FDX1: variants seen among roughly 807,000 people sequenced by gnomAD.
FDX1 encodes ferredoxin 1.
In FDX1, 9 loss-of-function variants were observed where a neutral mutation model predicts 14.9. The ratio of observed to expected loss-of-function variants is 0.60; its 90% CI spans 0.36 to 1.05. FDX1 has a LOEUF of 1.05. Among genes scored for constraint, FDX1 ranks in the 50% least tolerant of loss-of-function variants. The probability of loss-of-function intolerance (pLI) is 0.01; values close to 1 mark genes in which losing one functional copy is unlikely to be tolerated. For synonymous variants in FDX1, 92 were observed against 99.4 expected, an observed-to-expected ratio of 0.93 and a Z score of 0.44; for missense variants, 204 against 237.2, an observed-to-expected ratio of 0.86 and a Z score of 0.92.
At chr11:110,459,772 A>G (rs1946545209) in intron 3 of FDX1, among the ~76,000 whole-genome samples, 1 of 152,214 alleles carries the variant, frequency 6.6e-6, no homozygotes, top group Non-Finnish European at 1.5e-5. Context: ...AGTATGAGAC[A>G]CCATCTATAC....
chr11:110,444,894 G>A (rs1019812384), intron 2 of FDX1, among the ~76,000 whole-genome samples: 1 of 150,826 alleles, frequency 6.6e-6, no homozygotes, highest in Non-Finnish European at 1.5e-5. Flanking sequence ...TATTTAACAC[G>A]ACCGACCCGC....
intron 2 of FDX1, among the ~76,000 whole-genome samples, chr11:110,453,998 G>A (rs189426954): frequency 6.6e-6 from 1 of 152,230 alleles, no homozygotes; most frequent in East Asian, 1.9e-4. Context: ...TTTTTTGGCA[G>A]AAAAGGTTCG....
chr11:110,430,419 C>T, intron 1 of FDX1, 114 bp downstream of exon 1: 2 of 675,834 alleles, frequency 3.0e-6, no homozygotes, highest in Non-Finnish European at 4.0e-6. Flanking sequence ...CGGGCCCACA[C>T]CCCGGAGGCC....
upstream of FDX1, among the ~76,000 whole-genome samples, chr11:110,429,567 T>A (rs891649543): frequency 3.9e-5 from 6 of 152,228 alleles, no homozygotes; most frequent in Non-Finnish European, 5.9e-5. Flanking sequence ...TATTTCTTTG[T>A]ATAATAGCAT....
At chr11:110,444,959 T>G (rs1045421036) in intron 2 of FDX1, among the ~76,000 whole-genome samples, 1 of 151,530 alleles carries the variant, frequency 6.6e-6, no homozygotes, top group African/African-American at 2.4e-5. Flanking sequence ...GCCCCAATTT[T>G]GGGGCCTGTC....
At chr11:110,446,527 G>A (rs1258440143) in intron 2 of FDX1, among the ~76,000 whole-genome samples, 1 of 152,126 alleles carries the variant, frequency 6.6e-6, no homozygotes, top group Non-Finnish European at 1.5e-5. Flanking sequence ...ATCACTTCTT[G>A]GAAATCTAAC....
chr11:110,436,051 A>G (rs1001236559), intron 2 of FDX1, 93 bp downstream of exon 2: 1 of 1,030,430 alleles, frequency 9.7e-7, no homozygotes, highest in Non-Finnish European at 1.5e-6. Flanking sequence ...AGTTTAACCT[A>G]TAGCATGCTA....
chr11:110,438,719 G>A (rs144595058), intron 2 of FDX1, among the ~76,000 whole-genome samples: 8 of 151,874 alleles, frequency 5.3e-5, no homozygotes, highest in Non-Finnish European at 1.0e-4. Flanking sequence ...TGCCTACTTC[G>A]GCCTCCCAAA....
At chr11:110,439,884 T>C (rs10891109) in intron 2 of FDX1, among the ~76,000 whole-genome samples, 46,211 of 152,048 alleles carry the variant, frequency 0.3, 7,256 homozygotes, top group East Asian at 0.38. Context: ...TAGTTTCATT[T>C]TTCTGCATAT....
At chr11:110,430,678 G>T (rs1946324748) in intron 1 of FDX1, among the ~76,000 whole-genome samples, 1 of 152,152 alleles carries the variant, frequency 6.6e-6, no homozygotes. Context: ...CCCGAAACTG[G>T]CAGTGACCTT....
intron 3 of FDX1, among the ~76,000 whole-genome samples, chr11:110,461,416 G>A (rs1259487307): frequency 6.6e-6 from 1 of 150,812 alleles, no homozygotes; most frequent in Non-Finnish European, 1.5e-5. Context: ...GGATCACCAG[G>A]GCCTGGGAGG....
intron 2 of FDX1, among the ~76,000 whole-genome samples, chr11:110,455,789 T>C (rs922039501): frequency 3.3e-5 from 5 of 152,186 alleles, no homozygotes; most frequent in African/African-American, 1.2e-4. Flanking sequence ...AGCTATCCTT[T>C]AGAAGGATTA....
intron 2 of FDX1, among the ~76,000 whole-genome samples, chr11:110,440,050 G>A (rs879350325): frequency 9.9e-5 from 15 of 152,068 alleles, no homozygotes; most frequent in African/African-American, 1.4e-4. Context: ...AGGTTTTCTA[G>A]GTTGTGTGCA....
intron 2 of FDX1, among the ~76,000 whole-genome samples, chr11:110,442,703 T>C (rs1000439221): frequency 8.5e-5 from 13 of 152,342 alleles, no homozygotes; most frequent in African/African-American, 2.9e-4. Flanking sequence ...GATGAGACTT[T>C]GGACTGTGGA....
At position 110,463,742 on chromosome 11, in the gene FDX1, T is replaced by A. The variant is rs1946573050; in HGVS notation, c.*1274T>A. The A allele has an allele frequency of 6.6e-6, 1 of 152,212 alleles. No individual in the cohort carries two copies. Among genetic ancestry groups the A allele is most frequent in the African/African-American group, 2.4e-5 (1 of 41,448 alleles). The allele number at this position is 152,212 out of a possible 1,614,324, so 9.4% of individuals were successfully genotyped here. On this transcript the variant is annotated 3_prime_UTR_variant, in exon 4 of 4. Transcript: ENST00000260270. ...AAGGAATGCCATCAGGGAATTCACC[T>A]TTTATTAGGAAAATATAAAATATGT...
rs1014065343 is a variant in FDX1, at chr11:110,436,064, T to C, written c.310+106T>C. Reference sequence around the variant, plus strand: ...GAAGTTTAACCTATAGCATGCTATGTAAAATATTAACATTCAGGATGTGTT... The same window carrying C: ...GAAGTTTAACCTATAGCATGCTATGCAAAATATTAACATTCAGGATGTGTT... On this transcript the variant is annotated intron_variant, in intron 2 of 3. Coordinates refer to ENST00000260270, the MANE Select transcript of FDX1 (RefSeq NM_004109.5). 9.9e-6 allele frequency: 9 copies of C among 908,424 alleles called. No individual in the cohort carries two copies. In the Admixed American group the frequency reaches 1.9e-4, roughly 19 times the overall value. 56.3% of individuals were successfully genotyped at this position (908,424 alleles called of 1,614,324 possible).
At chr11:110,462,214 G>A (rs1345410068) in intron 3 of FDX1, 140 bp from the exon 4 acceptor site, 3 of 476,672 alleles carry the variant, frequency 6.3e-6, no homozygotes, top group Non-Finnish European at 1.1e-5. Context: ...TATCTGTTTT[G>A]ACATAAAGGA....
intron 2 of FDX1, among the ~76,000 whole-genome samples, chr11:110,442,047 G>A (rs1391811225): frequency 6.6e-6 from 1 of 152,244 alleles, no homozygotes; most frequent in East Asian, 1.9e-4. Flanking sequence ...AGCCTTGGCA[G>A]CTTCCATGTG....
At chr11:110,453,519 G>C (rs1293911589) in intron 2 of FDX1, among the ~76,000 whole-genome samples, 1 of 148,822 alleles carries the variant, frequency 6.7e-6, no homozygotes, top group African/African-American at 2.5e-5. Flanking sequence ...ACAGTTTTAG[G>C]CTCTTTTTTA....
Sources: gnomAD v4.1 joint callset for allele counts (sites outside exome capture counted in the v4.1 genomes callset) on GRCh38, gnomAD v4.1.1 for gene constraint, MANE v1.5 for transcripts, NCBI Gene and HGNC (gene_info 2026-07-23, HGNC 2026-07-21) for gene names.